The following OSBP variants were observed in gnomAD, a reference collection of about 807,000 sequenced individuals.
OSBP encodes the protein oxysterol binding protein.
A neutral mutation model predicts 96.6 loss-of-function variants in OSBP; 32 were observed. The observed-to-expected ratio is 0.33, with a 90% CI of 0.25 to 0.45. The LOEUF is 0.45. Among genes scored for constraint, OSBP ranks in the 20% least tolerant of loss-of-function variants. The pLI, the probability that OSBP is intolerant of heterozygous loss-of-function variation, is 1.00. For missense variants in OSBP, 653 were observed against 1,029.7 expected, an observed-to-expected ratio of 0.63 and a Z score of 5.01; for synonymous variants, 369 against 389.6, an observed-to-expected ratio of 0.95 and a Z score of 0.62.
chr11:59,593,786 A>T, intron 8 of OSBP, 62 bp from the exon 9 acceptor site: 1 of 1,600,566 alleles, frequency 6.2e-7, no homozygotes, highest in Non-Finnish European at 8.5e-7. Context: ...ACTGCCTATA[A>T]ATTGGTGAGA....
intron 1 of OSBP, among the ~76,000 whole-genome samples, chr11:59,610,804 T>A (rs1477408120): frequency 6.6e-6 from 1 of 151,726 alleles, no homozygotes; most frequent in African/African-American, 2.4e-5. Context: ...TCAGATTTTT[T>A]TTTTTTTTTT....
At chr11:59,579,763 A>T (rs1029573789) in intron 11 of OSBP, among the ~76,000 whole-genome samples, 3 of 150,790 alleles carry the variant, frequency 2.0e-5, no homozygotes, top group Non-Finnish European at 4.4e-5. Flanking sequence ...TCTGTTGCCC[A>T]GGCTGGGGTG....
At chr11:59,594,395 A>G (rs1860622673) in intron 7 of OSBP, 140 bp from the exon 8 acceptor site, 1 of 725,142 alleles carries the variant, frequency 1.4e-6, no homozygotes, top group African/African-American at 1.8e-5. Context: ...TAACCCGCAA[A>G]CAACCCATTC....
chr11:59,613,119 G>A (rs921707456), intron 1 of OSBP, among the ~76,000 whole-genome samples: 3 of 152,154 alleles, frequency 2.0e-5, no homozygotes, highest in Non-Finnish European at 2.9e-5. Context: ...AATCCTGCAG[G>A]AAAAAATAAA....
chr11:59,614,600 C>CA (rs1455043078), intron 1 of OSBP, among the ~76,000 whole-genome samples: 7 of 152,098 alleles, frequency 4.6e-5, no homozygotes, highest in African/African-American at 1.7e-4. Context: ...CCTAACTAAC[C>CA]AAAAAATCAC....
At position 59,615,532 on chromosome 11, in the gene OSBP, C is replaced by G; in HGVS notation, c.133G>C (p.Ala45Pro). 7.6e-7 allele frequency: 1 copy of G among 1,318,174 alleles called. No individual in the cohort carries two copies. Among genetic ancestry groups the G allele is most frequent in the East Asian group, 3.3e-5 (1 of 30,330 alleles). 81.7% of individuals were successfully genotyped at this position (1,318,174 alleles called of 1,614,324 possible). The change falls in exon 1 of 14, where the codon GCC becomes CCC. Residue 45 changes from alanine to proline, a missense_variant. By Grantham distance (27) the Ala-to-Pro change is conservative. Transcript: ENST00000263847. The stretch of plus-strand genomic sequence containing the variant: ...GCCGCGACCACCGTCCCTGACGCGG[C>G]CCCGGAGCCTGGCCCCGCATCTCCG... ...GRGDAGPGSG[A>P]ASGTVVAAAA...
intron 9 of OSBP, among the ~76,000 whole-genome samples, chr11:59,592,324 CAT>C (rs756818497): frequency 6.6e-6 from 1 of 152,194 alleles, no homozygotes; most frequent in Non-Finnish European, 1.5e-5. Context: ...TCTCCCTTTA[CAT>C]ATGTTAGAAA....
intron 9 of OSBP, among the ~76,000 whole-genome samples, chr11:59,590,719 C>T (rs1860567082): frequency 6.6e-6 from 1 of 152,126 alleles, no homozygotes; most frequent in East Asian, 1.9e-4. Flanking sequence ...TACTCACAAC[C>T]CTGTCCATAT....
Position 59,594,904 on chromosome 11 carries a change from A to C in OSBP, c.1312-649T>G, listed in dbSNP as rs546995238. Reference sequence around the variant, plus strand: ...CCAGCTTAAGGCGACCAAGTACTGGATAAAGCAAGCATGTGTGTGTTTATG... The same window carrying C: ...CCAGCTTAAGGCGACCAAGTACTGGCTAAAGCAAGCATGTGTGTGTTTATG... On this transcript the variant is annotated intron_variant, in intron 7 of 13. Transcript: ENST00000263847. Among the ~76,000 whole-genome samples the C allele has an allele frequency of 6.6e-5, 10 of 152,226 alleles. No individual in the cohort carries two copies. In the South Asian group the frequency reaches 2.1e-3, roughly 32 times the overall value.
rs769619443 is a variant in OSBP, at chr11:59,608,464, C to A, written c.822+20G>T. ...AGAGGGAATGAATCAAAAAGCAACA[C>A]AGACACCATCTGCACTCACGTTGAT... On this transcript the variant is annotated intron_variant, in intron 3 of 13. Transcript: ENST00000263847. 47 of 1,613,886 alleles carry A rather than the reference C, an allele frequency of 2.9e-5. No individual in the cohort carries two copies. Among genetic ancestry groups the A allele is most frequent in the Non-Finnish European group, 3.8e-5 (45 of 1,179,960 alleles).
At chr11:59,600,220 T>C (rs78462078) in intron 7 of OSBP, among the ~76,000 whole-genome samples, 7,635 of 152,314 alleles carry the variant, frequency 0.05, 279 homozygotes, top group East Asian at 0.18. Context: ...CTATGATGTA[T>C]TTATCTTTGC....
chr11:59,588,530 G>A (rs1006371072), intron 9 of OSBP, among the ~76,000 whole-genome samples: 2 of 144,892 alleles, frequency 1.4e-5, no homozygotes, highest in African/African-American at 5.2e-5. Context: ...AGTGAGACTC[G>A]GTCTCAAAAA....
At position 59,615,481 on chromosome 11, in the gene OSBP, C is replaced by G; in HGVS notation, c.184G>C (p.Ala62Pro). The G allele has an allele frequency of 8.2e-7, 1 of 1,214,708 alleles. No homozygotes were observed. The highest frequency in any genetic ancestry group is 1.0e-6 in the Non-Finnish European group (1 of 975,006). The allele number at this position is 1,214,708 out of a possible 1,614,324, so 75.2% of individuals were successfully genotyped here. A position where few individuals can be genotyped will look rare whatever the true frequency, so the allele number is the denominator to read the frequency against. Residue 62 changes from alanine (A) to proline (P), a missense_variant, in exon 1 of 14, where the codon GCC becomes CCC. Ala to Pro is a conservative substitution (Grantham distance 27). Coordinates refer to ENST00000263847, the MANE Select transcript of OSBP (RefSeq NM_002556.3). ...GGGCCAGCCGCCGCCACTCCCCCGG[C>G]CCCCGGGCCCGGGCCTCCCGCCGCC... ...AAAAGGPGPG[A>P]GGVAAAGPAP...
chr11:59,611,135 C>CAAAAAAAAAAA (rs35074206), intron 1 of OSBP, among the ~76,000 whole-genome samples: 2 of 60,106 alleles, frequency 3.3e-5, no homozygotes, highest in Admixed American at 1.7e-4. Flanking sequence ...AACTCCGTCT[C>CAAAAAAAAAAA]AAAAAAAAAA....
chr11:59,588,965 AC>A (rs1291160007), intron 9 of OSBP, among the ~76,000 whole-genome samples: 2 of 152,174 alleles, frequency 1.3e-5, no homozygotes, highest in African/African-American at 4.8e-5. Context: ...AGATCACACC[AC>A]TGCACTCCAG....
Position 59,615,690 on chromosome 11 carries a change from G to C in OSBP, c.-26C>G. 1 of 1,287,824 alleles carries C rather than the reference G, an allele frequency of 7.8e-7. No individual in the cohort carries two copies. Among genetic ancestry groups the C allele is most frequent in the Non-Finnish European group, 9.8e-7 (1 of 1,019,694 alleles). The allele number at this position is 1,287,824 out of a possible 1,614,324, so 79.8% of individuals were successfully genotyped here. A position where few individuals can be genotyped will look rare whatever the true frequency, so the allele number is the denominator to read the frequency against. Reference sequence around the variant, plus strand: ...GAGCCGCCGCCGCCTGGAGATACAAGACCGGAACCGCCTACGAGAGCCGCC... The same window carrying C: ...GAGCCGCCGCCGCCTGGAGATACAACACCGGAACCGCCTACGAGAGCCGCC... On this transcript the variant is annotated 5_prime_UTR_variant, in exon 1 of 14. Coordinates refer to ENST00000263847, the MANE Select transcript of OSBP (RefSeq NM_002556.3).
chr11:59,599,348 TG>T (rs1254037586), intron 7 of OSBP, among the ~76,000 whole-genome samples: 1 of 152,216 alleles, frequency 6.6e-6, no homozygotes, highest in Non-Finnish European at 1.5e-5. Context: ...GCTTCTTAGA[TG>T]GTAGCCAGAG....
At chr11:59,585,032 G>A (rs182015365) in intron 9 of OSBP, among the ~76,000 whole-genome samples, 240 of 152,290 alleles carry the variant, frequency 1.6e-3, no homozygotes, top group African/African-American at 5.5e-3. Context: ...AAAATGCCGA[G>A]ATTACAGCCT....
At chr11:59,579,052 T>A (rs1408549122) in intron 11 of OSBP, among the ~76,000 whole-genome samples, 1 of 152,106 alleles carries the variant, frequency 6.6e-6, no homozygotes, top group Non-Finnish European at 1.5e-5. Context: ...CTCTGTCCCC[T>A]CCCCTCACTA....
Sources: gnomAD v4.1 joint callset for allele counts (sites outside exome capture counted in the v4.1 genomes callset) on GRCh38, gnomAD v4.1.1 for gene constraint, MANE v1.5 for transcripts, NCBI Gene and HGNC (gene_info 2026-07-23, HGNC 2026-07-21) for gene names.